ADD3: variants seen among roughly 807,000 people sequenced by gnomAD.
ADD3 encodes the protein gamma-adducin.
A neutral mutation model predicts 80.2 loss-of-function variants in ADD3; 25 were observed. That is an observed-to-expected ratio of 0.31 (90% CI 0.23 to 0.44). The LOEUF is 0.44. Among genes scored for constraint, ADD3 ranks in the 20% least tolerant of loss-of-function variants. The pLI, the probability that ADD3 is intolerant of heterozygous loss-of-function variation, is 1.00. For synonymous variants in ADD3, 284 were observed against 289.6 expected, an observed-to-expected ratio of 0.98 and a Z score of 0.20; for missense variants, 829 against 847.5, an observed-to-expected ratio of 0.98 and a Z score of 0.27.
chr10:110,082,102 C>T (rs1459991430), intron 1 of ADD3, among the ~76,000 whole-genome samples: 1 of 152,202 alleles, frequency 6.6e-6, no homozygotes, highest in African/African-American at 2.4e-5. Context: ...AGTGGGAATT[C>T]ACTTCCTATC....
chr10:110,081,491 T>A (rs1212728590), intron 1 of ADD3, among the ~76,000 whole-genome samples: 2 of 152,202 alleles, frequency 1.3e-5, no homozygotes, highest in Non-Finnish European at 2.9e-5. Flanking sequence ...ATGAAAAGTA[T>A]GTTTTCAGTG....
rs144701201 is a variant in ADD3, at chr10:110,103,057, T to G, written c.195+2209T>G. On this transcript the variant is annotated intron_variant, in intron 2 of 14. Coordinates refer to ENST00000356080, the MANE Select transcript of ADD3 (RefSeq NM_016824.5). The stretch of plus-strand genomic sequence containing the variant: ...GCTGAGATTTAAAAGAATTAAAAGT[T>G]GATATTTTTTTTTCCTAGATCTTGG... 1.9e-3 allele frequency among the ~76,000 whole-genome samples: 292 copies of G among 152,328 alleles called. 3 individuals carry two copies. In the South Asian group the frequency reaches 0.029, roughly 15 times the overall value.
At chr10:110,119,599 G>A in intron 8 of ADD3, 35 bp downstream of exon 8, 11 of 1,555,448 alleles carry the variant, frequency 7.1e-6, no homozygotes, top group Non-Finnish European at 9.7e-6. Context: ...TAATTGCTTT[G>A]TTATTTGCTC....
At chr10:110,032,432 G>A (rs1188596115) in intron 1 of ADD3, among the ~76,000 whole-genome samples, 1 of 152,140 alleles carries the variant, frequency 6.6e-6, no homozygotes, top group Non-Finnish European at 1.5e-5. Flanking sequence ...GAAAGATAAG[G>A]AGAGAAAAGG....
chr10:110,124,017 G>A lies in ADD3; in HGVS notation c.1144G>A (p.Gly382Arg), dbSNP rs1851835867. ...CAAATGTGGCTTTTCCCTCCCTTAG[G>A]GGTATAGAACAGGCTATGCTTACAG... ...EGLMRTLDNL[G>R]YRTGYAYRHP... is the part of the protein sequence containing the mutation. The change falls in exon 10 of 15, where the codon GGG becomes AGG. Residue 382 changes from glycine (G) to arginine (R), a missense_variant and splice_region_variant. Physicochemically the swap from Gly to Arg is moderately radical, Grantham distance 125 (BLOSUM62 -2). Coordinates refer to ENST00000356080, the MANE Select transcript of ADD3 (RefSeq NM_016824.5). 1 of 1,613,548 alleles carries A rather than the reference G, an allele frequency of 6.2e-7. No individual in the cohort carries two copies. The highest frequency in any genetic ancestry group is 8.5e-7 in the Non-Finnish European group (1 of 1,179,690).
chr10:110,131,356 G>A (rs1466031509), intron 13 of ADD3, among the ~76,000 whole-genome samples: 2 of 152,172 alleles, frequency 1.3e-5, no homozygotes, highest in African/African-American at 4.8e-5. Flanking sequence ...GCTTCAGGCA[G>A]TCCATGAGCC....
intron 1 of ADD3, among the ~76,000 whole-genome samples, chr10:110,071,565 G>A (rs1402632902): frequency 6.6e-6 from 1 of 152,028 alleles, no homozygotes; most frequent in Non-Finnish European, 1.5e-5. Context: ...ATTCATGATT[G>A]CAGATTTTTT....
Position 110,060,076 on chromosome 10 carries a change from G to A in ADD3, c.-29-40549G>A, listed in dbSNP as rs190590902. Among the ~76,000 whole-genome samples the A allele has an allele frequency of 1.2e-3, 183 of 152,290 alleles. 2 individuals are homozygous for A. In the South Asian group the frequency reaches 0.018, roughly 15 times the overall value. On this transcript the variant is annotated intron_variant, in intron 1 of 14. Coordinates refer to ENST00000356080, the MANE Select transcript of ADD3 (RefSeq NM_016824.5). ...GTGAAGGGAATAGAGTTGAGGCTTG[G>A]GAACATTTATGTTTTTTAGACTGCG...
chr10:110,121,078 A>G (rs11194992), intron 8 of ADD3, among the ~76,000 whole-genome samples: 19,805 of 151,762 alleles, frequency 0.13, 4,155 homozygotes, highest in African/African-American at 0.45. Flanking sequence ...ACCATTCAGG[A>G]CATAGGCATG....
intron 4 of ADD3, 24 bp downstream of exon 4, chr10:110,116,434 CT>C (rs1565009461): frequency 1.2e-6 from 2 of 1,610,302 alleles, no homozygotes; most frequent in Admixed American, 1.7e-5. Context: ...CTTTCAATTC[CT>C]TTTTTAAAAA....
At chr10:110,090,744 T>G (rs952196114) in intron 1 of ADD3, among the ~76,000 whole-genome samples, 1 of 152,230 alleles carries the variant, frequency 6.6e-6, no homozygotes, top group Non-Finnish European at 1.5e-5. Flanking sequence ...TTATCTTTTT[T>G]AAATGACTGC....
intron 1 of ADD3, among the ~76,000 whole-genome samples, chr10:110,071,882 T>C (rs1844762237): frequency 6.6e-6 from 1 of 151,992 alleles, no homozygotes; most frequent in Non-Finnish European, 1.5e-5. Flanking sequence ...TAGGTTATGT[T>C]GTGTACATTT....
chr10:110,080,321 C>T lies in ADD3; in HGVS notation c.-29-20304C>T, dbSNP rs150521017. On this transcript the variant is annotated intron_variant, in intron 1 of 14. Transcript: ENST00000356080. ...AAATAGATGAGTTTTAATGTCCCAC[C>T]CAACTTCAATATTTATGTAGTATTT... 5.9e-3 allele frequency among the ~76,000 whole-genome samples: 898 copies of T among 152,182 alleles called. 3 individuals are homozygous for T. Among genetic ancestry groups the T allele is most frequent in the Non-Finnish European group, 8.9e-3 (604 of 68,010 alleles).
Position 110,094,867 on chromosome 10 carries a change from T to A in ADD3, c.-29-5758T>A, listed in dbSNP as rs146056075. Among the ~76,000 whole-genome samples, 137 of 152,352 alleles carry A rather than the reference T, an allele frequency of 9.0e-4. 1 individual carries two copies. The highest frequency in any genetic ancestry group is 1.9e-3 in the South Asian group (9 of 4,828). ...TTTAACCAAATATGCTGCTTTGCGG[T>A]CTTGGCATATCTTTGATTATTCTTT... On this transcript the variant is annotated intron_variant, in intron 1 of 14. Transcript: ENST00000356080.
intron 1 of ADD3, among the ~76,000 whole-genome samples, chr10:110,095,760 A>G (rs1002257535): frequency 6.6e-6 from 1 of 152,230 alleles, no homozygotes; most frequent in Admixed American, 6.5e-5. Flanking sequence ...CAGCCATACC[A>G]TAGAATAGCA....
intron 1 of ADD3, among the ~76,000 whole-genome samples, chr10:110,018,484 C>T (rs1248855610): frequency 6.9e-6 from 1 of 143,950 alleles, no homozygotes; most frequent in African/African-American, 2.6e-5. Context: ...GCTGAGATCA[C>T]GCCATTGCAC....
At chr10:110,069,440 C>T (rs1451947350) in intron 1 of ADD3, among the ~76,000 whole-genome samples, 1 of 152,136 alleles carries the variant, frequency 6.6e-6, no homozygotes, top group Non-Finnish European at 1.5e-5. Context: ...CACCTTAGCC[C>T]ATTTTTCAAT....
chr10:110,129,879 T>C (rs2134228716), intron 12 of ADD3, among the ~76,000 whole-genome samples: 1 of 152,314 alleles, frequency 6.6e-6, no homozygotes, highest in African/African-American at 2.4e-5. Flanking sequence ...GGATGAAAAA[T>C]AAATACATGG....
At chr10:110,065,129 TC>T (rs1277872214) in intron 1 of ADD3, among the ~76,000 whole-genome samples, 1 of 152,200 alleles carries the variant, frequency 6.6e-6, no homozygotes, top group East Asian at 1.9e-4. Flanking sequence ...ATTTCTTTCT[TC>T]CTAGAATTTG....
Sources: gnomAD v4.1 joint callset for allele counts (sites outside exome capture counted in the v4.1 genomes callset) on GRCh38, gnomAD v4.1.1 for gene constraint, MANE v1.5 for transcripts, NCBI Gene and HGNC (gene_info 2026-07-23, HGNC 2026-07-21) for gene names.